SMAD5: variants seen among roughly 807,000 people sequenced by gnomAD.
SMAD5 encodes MAD, mothers against decapentaplegic homolog 5.
SMAD5 carries 9 observed loss-of-function variants against 43.1 expected under a neutral mutation model. The observed-to-expected ratio is 0.21, with a 90% CI of 0.13 to 0.36. The LOEUF is 0.36. Ranked by LOEUF, SMAD5 falls within the 10% of genes least tolerant of loss-of-function variation. SMAD5 has a pLI of 1.00. For synonymous variants in SMAD5, 190 were observed against 192.4 expected (o/e 0.99, Z 0.10); for missense variants, 348 against 574.0 (o/e 0.61, Z 4.02).
At chr5:136,137,270 A>ACCCC (rs61537356) in intron 1 of SMAD5, among the ~76,000 whole-genome samples, 19,565 of 120,288 alleles carry the variant, frequency 0.16, 1,903 homozygotes, top group East Asian at 0.23. Flanking sequence ...ATTTTTTGGG[A>ACCCC]CCCCCCCCCG....
intron 1 of SMAD5, among the ~76,000 whole-genome samples, chr5:136,146,308 T>G (rs544100549): frequency 2.6e-5 from 4 of 151,900 alleles, no homozygotes; most frequent in Non-Finnish European, 5.9e-5. Context: ...CTGTTGCAGT[T>G]GCTAAGTACA....
rs1224791465 is a variant in SMAD5, at chr5:136,174,416, A to G, written c.1038A>G (p.Glu346=). ...LYYVGGEVYA[E]CLSDSSIFVQ... is the part of the protein sequence containing the mutation. Reference sequence around the variant, plus strand: ...ATGTTGGTGGAGAGGTGTATGCGGAATGCCTCAGTGACAGCAGCATATTTG... The same window carrying G: ...ATGTTGGTGGAGAGGTGTATGCGGAGTGCCTCAGTGACAGCAGCATATTTG... The change falls in exon 7 of 8, where the codon GAA becomes GAG. Residue 346 remains glutamate (E), a synonymous_variant. Coordinates refer to ENST00000545279, the MANE Select transcript of SMAD5 (RefSeq NM_005903.7). 6.2e-7 allele frequency: 1 copy of G among 1,613,774 alleles called. No homozygotes were observed. Among genetic ancestry groups the G allele is most frequent in the South Asian group, 1.1e-5 (1 of 91,066 alleles).
chr5:136,176,805 A>C (rs2149782862), intron 7 of SMAD5, among the ~76,000 whole-genome samples: 1 of 152,270 alleles, frequency 6.6e-6, no homozygotes, highest in East Asian at 1.9e-4. Context: ...ATAGTCATTA[A>C]GTCTTACAAA....
intron 3 of SMAD5, among the ~76,000 whole-genome samples, chr5:136,160,286 G>A (rs1753782067): frequency 6.6e-6 from 1 of 152,142 alleles, no homozygotes. Flanking sequence ...AAAGATCAAA[G>A]TGTTCATAAT....
At chr5:136,172,717 C>T (rs1256843522) in intron 6 of SMAD5, 62 bp downstream of exon 6, 1 of 1,137,914 alleles carries the variant, frequency 8.8e-7, no homozygotes, top group Non-Finnish European at 1.3e-6. Context: ...TGCCATGAAC[C>T]ATGCATTGTG....
intron 5 of SMAD5, among the ~76,000 whole-genome samples, chr5:136,172,125 C>T (rs187100189): frequency 5.3e-5 from 8 of 152,270 alleles, no homozygotes; most frequent in Non-Finnish European, 1.2e-4. Context: ...GACTTCCCAG[C>T]CCCCAGACCT....
Position 136,178,682 on chromosome 5 carries a change from G to A in SMAD5, c.*1202G>A, listed in dbSNP as rs1479347238. 6.6e-6 allele frequency: 1 copy of A among 152,164 alleles called. No individual in the cohort carries two copies. Among genetic ancestry groups the A allele is most frequent in the African/African-American group, 2.4e-5 (1 of 41,430 alleles). 9.4% of individuals were successfully genotyped at this position (152,164 alleles called of 1,614,324 possible). ...GGACCTATGCACTGGAGCCGTAGGA[G>A]GCTCTTCAGTTGGGCCCCAAGGATA... is the stretch of plus-strand genomic sequence containing the variant. On this transcript the variant is annotated 3_prime_UTR_variant, in exon 8 of 8. Transcript: ENST00000545279.
At chr5:136,174,687 T>C in intron 7 of SMAD5, 55 bp downstream of exon 7, 1 of 1,265,336 alleles carries the variant, frequency 7.9e-7, no homozygotes, top group Non-Finnish European at 1.1e-6. Context: ...ATATTATGAC[T>C]TTAGGTTATA....
chr5:136,139,126 C>CTGTGTGTGTGTGTGTG (rs33970909), intron 1 of SMAD5, among the ~76,000 whole-genome samples: 5 of 139,872 alleles, frequency 3.6e-5, no homozygotes, highest in African/African-American at 1.6e-4. Flanking sequence ...TAGCTGTGAG[C>CTGTGTGTGTGTGTGTG]TCTGTGTGTG....
intron 1 of SMAD5, among the ~76,000 whole-genome samples, chr5:136,138,471 A>G (rs778973689): frequency 6.6e-6 from 1 of 152,232 alleles, no homozygotes. Context: ...TTCTGAATCT[A>G]GAAGAGCTGT....
rs758252894 is a variant in SMAD5 at position 136,177,522 on chromosome 5, T to G, written c.*42T>G. 1.1e-5 allele frequency: 16 copies of G among 1,498,270 alleles called. No individual in the cohort carries two copies. The highest frequency in any genetic ancestry group is 1.4e-5 in the African/African-American group (1 of 71,948). The allele number at this position is 1,498,270 out of a possible 1,614,324, so 92.8% of individuals were successfully genotyped here. A position where few individuals can be genotyped will look rare whatever the true frequency, so the allele number is the denominator to read the frequency against. On this transcript the variant is annotated 3_prime_UTR_variant, in exon 8 of 8. Coordinates refer to ENST00000545279, the MANE Select transcript of SMAD5 (RefSeq NM_005903.7). The stretch of plus-strand genomic sequence containing the variant: ...TCAATTATATTGTTAGTGGACTTGT[T>G]TTAATTTTAGAGAAACTTTGAGTAC...
intron 2 of SMAD5, among the ~76,000 whole-genome samples, chr5:136,150,113 A>G (rs906392240): frequency 6.6e-6 from 1 of 151,692 alleles, no homozygotes; most frequent in Admixed American, 6.6e-5. Context: ...ATGTTTCGTA[A>G]TATTTAGGTG....
intron 1 of SMAD5, among the ~76,000 whole-genome samples, chr5:136,146,620 A>G (rs1753265823): frequency 6.6e-6 from 1 of 151,832 alleles, no homozygotes; most frequent in African/African-American, 2.4e-5. Context: ...TGAGGATACT[A>G]AAGTAAATCT....
chr5:136,174,117 T>G (rs1467142391), intron 6 of SMAD5, among the ~76,000 whole-genome samples: 1 of 152,044 alleles, frequency 6.6e-6, no homozygotes, highest in South Asian at 2.1e-4. Flanking sequence ...GATAAATGAT[T>G]GTTGGGAAAG....
In SMAD5 at chr5:136,160,890, A is replaced by C; in HGVS notation, c.438A>C (p.Glu146Asp). 1 of 1,613,900 alleles carries C rather than the reference A, an allele frequency of 6.2e-7. No individual in the cohort carries two copies. The highest frequency in any genetic ancestry group is 8.5e-7 in the Non-Finnish European group (1 of 1,179,848). The change falls in exon 4 of 8, where the codon GAA (glutamate) becomes GAC (aspartate). Residue 146 changes from glutamate to aspartate, a missense_variant. Physicochemically the swap from Glu to Asp is conservative, Grantham distance 45 (BLOSUM62 2). This residue lies in a region of SMAD5 where 185 missense variants were observed against 207.0 expected (regional missense o/e 0.89). Transcript: ENST00000545279. ...LPPVLVPRHNEFNPQHSLLVQ... is the reference protein window; with the variant it reads ...LPPVLVPRHNDFNPQHSLLVQ... ...CAGTATTAGTGCCTCGTCATAATGA[A>C]TTCAATCCACAACACAGCCTTCTGG...
rs561912489 is a variant in SMAD5, at chr5:136,132,951, G to C, written c.-256G>C. On this transcript the variant is annotated 5_prime_UTR_variant, in exon 1 of 8. Transcript: ENST00000545279. Reference sequence around the variant, plus strand: ...CGACGGCGTCGGGAGAGCGCGCCTAGCCGGCTCGCGAGTGAGTGAGGGTCC... The same window carrying C: ...CGACGGCGTCGGGAGAGCGCGCCTACCCGGCTCGCGAGTGAGTGAGGGTCC... The C allele has an allele frequency of 6.6e-6, 1 of 152,258 alleles. No individual in the cohort carries two copies. Among genetic ancestry groups the C allele is most frequent in the Non-Finnish European group, 1.5e-5 (1 of 68,078 alleles). The allele number at this position is 152,258 out of a possible 1,614,324, so 9.4% of individuals were successfully genotyped here.
At chr5:136,172,392 C>G (rs1580799757) in intron 5 of SMAD5, 42 bp from the exon 6 acceptor site, 1 of 1,161,450 alleles carries the variant, frequency 8.6e-7, no homozygotes, top group East Asian at 2.4e-5. Flanking sequence ...ATCTGAGTTT[C>G]TGATATGTAT....
intron 1 of SMAD5, among the ~76,000 whole-genome samples, chr5:136,137,648 AG>A (rs1752934634): frequency 6.6e-6 from 1 of 152,144 alleles, no homozygotes; most frequent in South Asian, 2.1e-4. Context: ...GTGTGTTCCC[AG>A]GAAGAGGGGG....
At chr5:136,138,519 T>C (rs1221941413) in intron 1 of SMAD5, among the ~76,000 whole-genome samples, 1 of 152,210 alleles carries the variant, frequency 6.6e-6, no homozygotes, top group African/African-American at 2.4e-5. Context: ...CCTCTCTGCG[T>C]GCAGTTGTGA....
Sources: gnomAD v4.1 joint callset for allele counts (sites outside exome capture counted in the v4.1 genomes callset) on GRCh38, gnomAD v4.1.1 for gene constraint, gnomAD v4.1.1 regional missense constraint, MANE v1.5 for transcripts, NCBI Gene and HGNC (gene_info 2026-07-23, HGNC 2026-07-21) for gene names.